MED13L: variants seen among roughly 807,000 people sequenced by gnomAD.
The protein encoded by MED13L is mediator complex subunit 13L.
Under a neutral mutation model 220.9 loss-of-function variants are expected in MED13L, and 7 were observed. The observed-to-expected ratio is 0.03, with a 90% CI of 0.02 to 0.06. The LOEUF (loss-of-function observed/expected upper bound fraction) is 0.06, where lower values mean the gene tolerates loss of function less well. Ranked by LOEUF, MED13L falls within the 10% of genes least tolerant of loss-of-function variation. MED13L has a pLI of 1.00. For missense variants in MED13L, 1,965 were observed against 2,760.5 expected (o/e 0.71, Z 6.46); for synonymous variants, 1,011 against 1,015.2 (o/e 1.00, Z 0.08).
intron 23 of MED13L, among the ~76,000 whole-genome samples, chr12:115,978,635 A>G (rs1188591483): frequency 6.6e-6 from 1 of 152,174 alleles, no homozygotes; most frequent in African/African-American, 2.4e-5. Context: ...CCTGAACTGT[A>G]AAATTTTTAA....
intron 2 of MED13L, among the ~76,000 whole-genome samples, chr12:116,122,886 A>C (rs1471186073): frequency 1.3e-5 from 2 of 152,166 alleles, no homozygotes; most frequent in Non-Finnish European, 2.9e-5. Context: ...CCATAAAACT[A>C]AATTTCGAGA....
intron 2 of MED13L, among the ~76,000 whole-genome samples, chr12:116,131,374 T>C (rs1048900148): frequency 6.6e-6 from 1 of 152,140 alleles, no homozygotes; most frequent in African/African-American, 2.4e-5. Context: ...GTTCACCAGG[T>C]TGCACAGCAA....
At chr12:116,178,435 A>G (rs1880245512) in intron 2 of MED13L, among the ~76,000 whole-genome samples, 1 of 152,206 alleles carries the variant, frequency 6.6e-6, no homozygotes, top group South Asian at 2.1e-4. Context: ...TGTACCAGAC[A>G]ATTCTGAAAA....
At chr12:116,099,714 A>T (rs1245408431) in intron 3 of MED13L, among the ~76,000 whole-genome samples, 1 of 152,238 alleles carries the variant, frequency 6.6e-6, no homozygotes, top group Non-Finnish European at 1.5e-5. Flanking sequence ...TTCATTCCAG[A>T]AAAAACAAAC....
chr12:116,239,354 T>C (rs1047299853), intron 1 of MED13L, among the ~76,000 whole-genome samples: 8 of 152,172 alleles, frequency 5.3e-5, no homozygotes, highest in African/African-American at 1.4e-4. Context: ...ATGGCCAATA[T>C]AAAAAGTTCA....
chr12:115,992,767 T>C (rs1565998228), intron 16 of MED13L, among the ~76,000 whole-genome samples: 1 of 152,202 alleles, frequency 6.6e-6, no homozygotes, highest in Non-Finnish European at 1.5e-5. Flanking sequence ...TGGTATGCAT[T>C]GCATATAGTG....
In MED13L at chr12:115,987,267, G is replaced by A. The variant is rs1237742931; in HGVS notation, c.3956C>T (p.Ser1319Phe). 3 of 1,613,326 alleles carry A rather than the reference G, an allele frequency of 1.9e-6. No homozygotes were observed. The highest frequency in any genetic ancestry group is 3.3e-5 in the Admixed American group (2 of 60,018). The change falls in exon 18 of 31, where the codon TCC (serine) becomes TTC (phenylalanine). Residue 1319 changes from serine to phenylalanine, a missense_variant. Transcript: ENST00000281928. ...HSNVLDISML[S>F]SQDVVRMLLS... ...CAGCATACGAACCACATCCTGGGAGGAGAGCATGCTGATGTCCAGCACTGG... is the reference window on the plus strand; with the variant it reads ...CAGCATACGAACCACATCCTGGGAGAAGAGCATGCTGATGTCCAGCACTGG...
intron 2 of MED13L, among the ~76,000 whole-genome samples, chr12:116,116,916 T>C (rs1427945789): frequency 6.6e-6 from 1 of 150,772 alleles, no homozygotes; most frequent in Non-Finnish European, 1.5e-5. Context: ...CTTCTAGGTA[T>C]ATACTCAAGT....
chr12:115,977,482 T>C (rs1247250362), intron 23 of MED13L, among the ~76,000 whole-genome samples: 1 of 152,166 alleles, frequency 6.6e-6, no homozygotes, highest in Non-Finnish European at 1.5e-5. Flanking sequence ...AAATATTATG[T>C]CCACACAAAA....
At chr12:116,091,817 T>C (rs1366852139) in intron 4 of MED13L, among the ~76,000 whole-genome samples, 5 of 152,242 alleles carry the variant, frequency 3.3e-5, no homozygotes, top group Non-Finnish European at 7.3e-5. Context: ...TGATCAATCT[T>C]GAAACTTTAA....
intron 2 of MED13L, among the ~76,000 whole-genome samples, chr12:116,149,122 G>A (rs1271345150): frequency 6.6e-6 from 1 of 152,086 alleles, no homozygotes; most frequent in Non-Finnish European, 1.5e-5. Context: ...AGGCTACCCT[G>A]CTCCCATCTC....
intron 27 of MED13L, 81 bp from the exon 28 acceptor site, chr12:115,969,178 A>G: frequency 6.7e-7 from 1 of 1,482,566 alleles, no homozygotes; most frequent in South Asian, 1.2e-5. Flanking sequence ...AACCTAACCT[A>G]TGTCATGTTT....
chr12:115,983,901 A>C (rs1877508953), intron 20 of MED13L, among the ~76,000 whole-genome samples: 1 of 152,244 alleles, frequency 6.6e-6, no homozygotes, highest in Admixed American at 6.5e-5. Context: ...TTCTCTTCAG[A>C]ATATGGGTTA....
At chr12:116,061,394 G>C (rs1209231440) in intron 4 of MED13L, among the ~76,000 whole-genome samples, 1 of 151,592 alleles carries the variant, frequency 6.6e-6, no homozygotes, top group East Asian at 1.9e-4. Flanking sequence ...AATGTCAGAG[G>C]GTTATACAAT....
chr12:116,022,623 A>G, intron 4 of MED13L, 22 bp from the exon 5 acceptor site: 1 of 1,606,226 alleles, frequency 6.2e-7, no homozygotes, highest in African/African-American at 1.3e-5. Flanking sequence ...AGAATGAGAA[A>G]CTCAACTTTA....
intron 2 of MED13L, among the ~76,000 whole-genome samples, chr12:116,177,826 A>G (rs191191161): frequency 2.3e-4 from 35 of 152,300 alleles, no homozygotes; most frequent in African/African-American, 8.2e-4. Flanking sequence ...TAAATCTGTA[A>G]TATCAATTCC....
At chr12:116,262,620 C>T (rs1017556761) in intron 1 of MED13L, among the ~76,000 whole-genome samples, 1 of 152,190 alleles carries the variant, frequency 6.6e-6, no homozygotes, top group Non-Finnish European at 1.5e-5. Context: ...ACCACTAACA[C>T]AAGCTACTCA....
Position 115,963,289 on chromosome 12 carries a change from C to T in MED13L, c.6500+118G>A, listed in dbSNP as rs1183461674. On this transcript the variant is annotated intron_variant, in intron 30 of 30. Transcript: ENST00000281928. ...CTCACTGACTCATCAGATACTGTATCACTGCACAAACGGCAGCTTCTATGA... is the reference window on the plus strand; with the variant it reads ...CTCACTGACTCATCAGATACTGTATTACTGCACAAACGGCAGCTTCTATGA... 85 of 804,040 alleles carry T rather than the reference C, an allele frequency of 1.1e-4. 1 individual carries two copies. In the East Asian group the frequency reaches 2.2e-3, roughly 20 times the overall value. The allele number at this position is 804,040 out of a possible 1,614,324, so 49.8% of individuals were successfully genotyped here.
At chr12:116,031,759 A>AGAAAAGAAAAGAAAAGAAG (rs1592967502) in intron 4 of MED13L, among the ~76,000 whole-genome samples, 45 of 40,960 alleles carry the variant, frequency 1.1e-3, no homozygotes, top group Non-Finnish European at 1.3e-3. Context: ...AGAAAAGAAA[A>AGAAAAGAAAAGAAAAGAAG]GAAGGAAGGA....
Sources: allele counts gnomAD v4.1 joint callset (sites outside exome capture counted in the v4.1 genomes callset), GRCh38; gene constraint gnomAD v4.1.1; transcripts MANE v1.5; gene names NCBI Gene and HGNC (gene_info 2026-07-23, HGNC 2026-07-21).